Variants in CEP128 observed in about 807,000 individuals in gnomAD.
CEP128 encodes the protein centrosomal protein 128.
Under a neutral mutation model 156.7 loss-of-function variants are expected in CEP128, and 132 were observed. That is an observed-to-expected ratio of 0.84 (90% CI 0.73 to 0.97). CEP128 has a LOEUF of 0.97. Among genes scored for constraint, CEP128 ranks in the 50% least tolerant of loss-of-function variants. The pLI is 0.00. For synonymous variants in CEP128, 469 were observed against 448.9 expected (o/e 1.04, Z -0.57); for missense variants, 1,252 against 1,281.9 (o/e 0.98, Z 0.36).
chr14:80,661,801 G>A (rs1281561069), intron 19 of CEP128, among the ~76,000 whole-genome samples: 1 of 152,184 alleles, frequency 6.6e-6, no homozygotes, highest in Non-Finnish European at 1.5e-5. Flanking sequence ...TTTCATTAAT[G>A]TTGCCTCTCA....
chr14:80,761,648 C>T (rs139374154), intron 16 of CEP128, 35 bp from the exon 17 acceptor site: 2 of 1,486,540 alleles, frequency 1.3e-6, no homozygotes, highest in African/African-American at 1.4e-5. Context: ...AAGGTGATTA[C>T]TATTAAGTGG....
chr14:80,957,133 G>A (rs1274394211), intron 2 of CEP128, among the ~76,000 whole-genome samples: 1 of 152,044 alleles, frequency 6.6e-6, no homozygotes. Context: ...AGCTGCCCTT[G>A]CCTTTCTTCC....
At chr14:80,809,267 G>C (rs1884365472) in intron 13 of CEP128, among the ~76,000 whole-genome samples, 1 of 151,964 alleles carries the variant, frequency 6.6e-6, no homozygotes, top group Admixed American at 6.6e-5. Context: ...ACTACACCAA[G>C]CTGAAGAGAG....
chr14:80,740,826 G>A (rs1198821696), intron 19 of CEP128, among the ~76,000 whole-genome samples: 3 of 152,104 alleles, frequency 2.0e-5, no homozygotes, highest in Non-Finnish European at 4.4e-5. Flanking sequence ...GACAGCAAGG[G>A]ACAGATTCAG....
chr14:80,711,574 G>A (rs1291742911), intron 19 of CEP128, among the ~76,000 whole-genome samples: 1 of 151,982 alleles, frequency 6.6e-6, no homozygotes, highest in Non-Finnish European at 1.5e-5. Context: ...AGCAGTGTGG[G>A]GGTTGCAGGG....
chr14:80,642,398 G>A (rs887959149), intron 19 of CEP128, among the ~76,000 whole-genome samples: 1 of 152,222 alleles, frequency 6.6e-6, no homozygotes, highest in East Asian at 1.9e-4. Context: ...GAATGAGAGA[G>A]ACAAGGCTGG....
chr14:80,731,261 G>T (rs1898257978), intron 19 of CEP128, among the ~76,000 whole-genome samples: 1 of 152,166 alleles, frequency 6.6e-6, no homozygotes. Context: ...ACAAAATCGA[G>T]TTTCACAAAG....
intron 20 of CEP128, among the ~76,000 whole-genome samples, chr14:80,567,443 T>C (rs777396487): frequency 1.3e-5 from 2 of 152,172 alleles, no homozygotes; most frequent in Non-Finnish European, 2.9e-5. Flanking sequence ...GGTAGGGTTT[T>C]ATTTAAAATC....
At chr14:80,760,241 C>T (rs1899891583) in intron 17 of CEP128, among the ~76,000 whole-genome samples, 1 of 151,564 alleles carries the variant, frequency 6.6e-6, no homozygotes, top group Non-Finnish European at 1.5e-5. Flanking sequence ...ATATTAGACT[C>T]ATAGTCTTTT....
At chr14:80,683,512 C>T (rs1896404971) in intron 19 of CEP128, among the ~76,000 whole-genome samples, 1 of 152,134 alleles carries the variant, frequency 6.6e-6, no homozygotes, top group Non-Finnish European at 1.5e-5. Context: ...AAGATAGCCA[C>T]ACAATAATAG....
intron 2 of CEP128, chr14:80,955,758 T>C (rs1017867335): frequency 6.2e-7 from 1 of 1,614,136 alleles, no homozygotes; most frequent in Non-Finnish European, 8.5e-7. Context: ...GGTGTTCGTC[T>C]CCACCCTGCG....
intron 14 of CEP128, among the ~76,000 whole-genome samples, chr14:80,788,833 G>T (rs564793291): frequency 2.0e-5 from 3 of 152,184 alleles, no homozygotes; most frequent in Admixed American, 6.5e-5. Context: ...TCTGCTGAGG[G>T]TAAGAGAAAA....
chr14:80,846,092 C>T (rs953293386), intron 9 of CEP128, among the ~76,000 whole-genome samples: 6 of 152,208 alleles, frequency 3.9e-5, no homozygotes, highest in Admixed American at 3.3e-4. Context: ...CACAGATTCA[C>T]GCTAGCCTTA....
chr14:80,809,412 G>A (rs1216514683), intron 13 of CEP128, among the ~76,000 whole-genome samples: 6 of 152,126 alleles, frequency 3.9e-5, no homozygotes, highest in Non-Finnish European at 1.5e-5. Flanking sequence ...CACCTAAGGT[G>A]AGGAGGAAAG....
At chr14:80,686,797 C>G (rs947637868) in intron 19 of CEP128, among the ~76,000 whole-genome samples, 1 of 151,872 alleles carries the variant, frequency 6.6e-6, no homozygotes, top group African/African-American at 2.4e-5. Context: ...ACAAAACAAC[C>G]AACAAAGATT....
At chr14:80,635,678 T>A (rs74927158) in intron 19 of CEP128, among the ~76,000 whole-genome samples, 1,603 of 152,340 alleles carry the variant, frequency 0.011, 9 homozygotes, top group Middle Eastern at 0.027. Context: ...AAAGCAGATT[T>A]ATCAGCGAAC....
intron 23 of CEP128, among the ~76,000 whole-genome samples, chr14:80,525,069 C>G (rs1275740328): frequency 2.6e-5 from 4 of 152,204 alleles, no homozygotes; most frequent in Non-Finnish European, 1.5e-5. Flanking sequence ...AGCACCGATT[C>G]ACCTGATACC....
chr14:80,950,209 A>C (rs1886433518), intron 2 of CEP128, among the ~76,000 whole-genome samples: 1 of 152,138 alleles, frequency 6.6e-6, no homozygotes, highest in South Asian at 2.1e-4. Context: ...AGAAGCTAGG[A>C]ACAGTCAAGG....
At chr14:80,943,457 G>A (rs1886246505), upstream of CEP128, among the ~76,000 whole-genome samples, 2 of 152,312 alleles carry the variant, frequency 1.3e-5, no homozygotes, top group Admixed American at 6.5e-5. Context: ...ATTGTCCACA[G>A]CTTTTCCTCC....
Sources: gnomAD v4.1 joint callset for allele counts (sites outside exome capture counted in the v4.1 genomes callset) on GRCh38, gnomAD v4.1.1 for gene constraint, MANE v1.5 for transcripts, NCBI Gene and HGNC (gene_info 2026-07-23, HGNC 2026-07-21) for gene names.